KLC1: variants seen among roughly 807,000 people sequenced by gnomAD.
KLC1 encodes the protein kinesin 2 60/70kDa.
In KLC1, 30 loss-of-function variants were observed where a neutral mutation model predicts 84.2. The ratio of observed to expected loss-of-function variants is 0.36; its 90% CI spans 0.27 to 0.48. The LOEUF (loss-of-function observed/expected upper bound fraction) is 0.48, where lower values mean the gene tolerates loss of function less well. Among genes scored for constraint, KLC1 ranks in the 20% least tolerant of loss-of-function variants. KLC1 has a pLI of 0.99. For missense variants in KLC1, 499 were observed against 805.4 expected, an observed-to-expected ratio of 0.62 and a Z score of 4.60; for synonymous variants, 289 against 293.3, an observed-to-expected ratio of 0.99 and a Z score of 0.15.
rs542619578 is a variant in KLC1 at position 103,665,388 on chromosome 14, T to TTCTG, written c.797+2477_797+2480dup. On this transcript the variant is annotated intron_variant, in intron 5 of 16. Transcript: ENST00000334553. The stretch of plus-strand genomic sequence containing the variant: ...GGATTGATTGATTTCTTTTCTTTCT[T>TTCTG]TCTGTCTGTCTGTCTGTCTTTCTGT... 3.4e-3 allele frequency among the ~76,000 whole-genome samples: 521 copies of TTCTG among 151,994 alleles called. 3 individuals carry two copies. Among genetic ancestry groups the TTCTG allele is most frequent in the Middle Eastern group, 0.014 (4 of 294 alleles).
At chr14:103,691,124 G>C (rs1048890418) in intron 14 of KLC1, among the ~76,000 whole-genome samples, 32 of 151,138 alleles carry the variant, frequency 2.1e-4, no homozygotes, top group Admixed American at 1.4e-3. Flanking sequence ...ACTGAAGGCA[G>C]AGCCTCTCTG....
intron 12 of KLC1, among the ~76,000 whole-genome samples, chr14:103,677,971 TAA>T (rs34560300): frequency 3.5e-3 from 477 of 136,108 alleles, no homozygotes; most frequent in Middle Eastern, 8.1e-3. Flanking sequence ...CGTCTCAATT[TAA>T]AAAAAAAAAA....
Position 103,634,735 on chromosome 14 carries a change from C to CT in KLC1, c.-2+5253dup, listed in dbSNP as rs570758645. 1.1e-3 allele frequency among the ~76,000 whole-genome samples: 167 copies of CT among 147,222 alleles called. 1 individual carries two copies. The highest frequency in any genetic ancestry group is 2.9e-3 in the African/African-American group (119 of 40,428). On this transcript the variant is annotated intron_variant, in intron 1 of 16. Transcript: ENST00000334553. ...CTAGGAGGTTACTAATGACCTTTAA[C>CT]TTTTTTTTTTTTAAATATAGTTTAT...
intron 1 of KLC1, among the ~76,000 whole-genome samples, chr14:103,638,340 G>A (rs567044088): frequency 6.6e-6 from 1 of 152,218 alleles, no homozygotes; most frequent in East Asian, 1.9e-4. Context: ...TGTGCACCCA[G>A]ACCTATTGCT....
intron 15 of KLC1, among the ~76,000 whole-genome samples, chr14:103,697,405 T>C (rs2082631483): frequency 6.6e-6 from 1 of 152,118 alleles, no homozygotes; most frequent in African/African-American, 2.4e-5. Context: ...ACCCACAGGC[T>C]CACCCTGGGC....
At chr14:103,634,260 T>C (rs1704814668) in intron 1 of KLC1, among the ~76,000 whole-genome samples, 1 of 152,172 alleles carries the variant, frequency 6.6e-6, no homozygotes, top group Non-Finnish European at 1.5e-5. Context: ...TTTTGTCTCT[T>C]GTATTCAGTG....
chr14:103,656,707 G>A (rs1275095055), intron 2 of KLC1, among the ~76,000 whole-genome samples: 1 of 152,162 alleles, frequency 6.6e-6, no homozygotes. Flanking sequence ...CAGGTGACAT[G>A]AATTTAAACT....
intron 7 of KLC1, among the ~76,000 whole-genome samples, chr14:103,672,075 C>G (rs1464113361): frequency 6.6e-6 from 1 of 152,168 alleles, no homozygotes; most frequent in Non-Finnish European, 1.5e-5. Flanking sequence ...GGCACATCAG[C>G]ATCTAGAATA....
At chr14:103,698,900 C>G (rs2082825021) in intron 15 of KLC1, 1 of 1,602,566 alleles carries the variant, frequency 6.2e-7, no homozygotes, top group Non-Finnish European at 8.5e-7. Flanking sequence ...CCCGCAGGGT[C>G]CGGGCTGGGC....
At chr14:103,695,813 G>A (rs1487714862) in intron 15 of KLC1, 2 of 985,266 alleles carry the variant, frequency 2.0e-6, no homozygotes, top group Non-Finnish European at 2.4e-6. Context: ...AGAAGCCAGG[G>A]GGCCTCCCTG....
chr14:103,645,607 C>T (rs1163625681), intron 1 of KLC1, among the ~76,000 whole-genome samples: 1 of 152,178 alleles, frequency 6.6e-6, no homozygotes, highest in Non-Finnish European at 1.5e-5. Flanking sequence ...GTATAACCTA[C>T]TGCACACCTA....
chr14:103,672,385 T>A (rs1047321952), intron 7 of KLC1, among the ~76,000 whole-genome samples: 2 of 152,216 alleles, frequency 1.3e-5, no homozygotes, highest in African/African-American at 4.8e-5. Context: ...ATGCGGAGAT[T>A]ACATTGGTGA....
At chr14:103,638,427 G>A (rs974607459) in intron 1 of KLC1, among the ~76,000 whole-genome samples, 12 of 151,886 alleles carry the variant, frequency 7.9e-5, no homozygotes, top group Non-Finnish European at 1.2e-4. Flanking sequence ...ATTTTAAAGC[G>A]TGCAGTGCAG....
intron 14 of KLC1, among the ~76,000 whole-genome samples, chr14:103,691,060 T>G (rs1185385881): frequency 1.3e-5 from 2 of 152,130 alleles, no homozygotes; most frequent in Non-Finnish European, 2.9e-5. Flanking sequence ...CATGATCCCT[T>G]AGTGGTGACG....
intron 14 of KLC1, among the ~76,000 whole-genome samples, chr14:103,689,070 C>T (rs1012082695): frequency 1.5e-5 from 2 of 132,416 alleles, no homozygotes; most frequent in African/African-American, 5.3e-5. Context: ...TGCTTGGTGT[C>T]GCTTCCTTGG....
chr14:103,684,861 A>G, intron 13 of KLC1: 1 of 683,194 alleles, frequency 1.5e-6, no homozygotes, highest in Non-Finnish European at 2.7e-6. Flanking sequence ...CAGGGGCTGC[A>G]CTGTTAATGA....
intron 15 of KLC1, chr14:103,699,243 CTG>C: frequency 2.6e-6 from 4 of 1,540,816 alleles, no homozygotes; most frequent in Non-Finnish European, 3.5e-6. Flanking sequence ...TAGGCACAGG[CTG>C]CTACCCGCAG....
intron 1 of KLC1, among the ~76,000 whole-genome samples, chr14:103,631,608 A>C (rs1197859827): frequency 3.3e-5 from 5 of 151,960 alleles, no homozygotes. Flanking sequence ...TTTTATTTTT[A>C]TTTATTTAGA....
rs1209100677 is a variant in KLC1 at position 103,693,172 on chromosome 14, A to G, written c.1848+747A>G. ...CCAGGCACTGCCCTCCCAGTTGTCC[A>G]GATCCACTAATCCTCACAGACAGGC... On this transcript the variant is annotated intron_variant, in intron 15 of 16. Coordinates refer to ENST00000334553, the MANE Select transcript of KLC1 (RefSeq NM_001394837.1). This position sits in a 1 kb window ranked among gnomAD's most constrained non-coding sequence, Gnocchi z 5.1. Among the ~76,000 whole-genome samples, 1 of 152,088 alleles carries G rather than the reference A, an allele frequency of 6.6e-6. No individual in the cohort carries two copies. The highest frequency in any genetic ancestry group is 1.5e-5 in the Non-Finnish European group (1 of 68,026).
Sources: gnomAD v4.1 joint callset for allele counts (sites outside exome capture counted in the v4.1 genomes callset) on GRCh38, gnomAD v4.1.1 for gene constraint, Gnocchi (gnomAD v3.1) non-coding constraint, MANE v1.5 for transcripts, NCBI Gene and HGNC (gene_info 2026-07-23, HGNC 2026-07-21) for gene names.